The following ESR1 variants were observed in gnomAD, a reference collection of about 807,000 sequenced individuals.
ESR1 encodes the protein estrogen receptor 1.
Under a neutral mutation model 52.7 loss-of-function variants are expected in ESR1, and 12 were observed. The observed-to-expected ratio is 0.23, with a 90% CI of 0.15 to 0.37. The LOEUF is 0.37. Among genes scored for constraint, ESR1 ranks in the 10% least tolerant of loss-of-function variants. The pLI is 1.00. For synonymous variants in ESR1, 305 were observed against 316.8 expected (o/e 0.96, Z 0.39); for missense variants, 584 against 779.7 (o/e 0.75, Z 2.99).
exon 7 of ESR1, chr6:152,126,219 G>A (rs900659034): frequency 2.6e-5 from 4 of 152,174 alleles, no homozygotes; most frequent in African/African-American, 9.7e-5. Context: ...GAAAATATCC[G>A]AACTATCCAC....
chr6:151,906,697 T>C (rs187886206), intron 3 of ESR1, among the ~76,000 whole-genome samples: 9 of 149,092 alleles, frequency 6.0e-5, no homozygotes, highest in Admixed American at 2.7e-4. Context: ...GTATTATAAA[T>C]GTCATCTAGT....
intron 3 of ESR1, among the ~76,000 whole-genome samples, chr6:151,883,223 G>A (rs1793250473): frequency 6.6e-6 from 1 of 151,594 alleles, no homozygotes; most frequent in Non-Finnish European, 1.5e-5. Context: ...AGGTTCAGGC[G>A]ATTCTCCTGC....
At chr6:151,672,788 A>G (rs1778114412) in intron 1 of ESR1, among the ~76,000 whole-genome samples, 1 of 150,974 alleles carries the variant, frequency 6.6e-6, no homozygotes, top group Non-Finnish European at 1.5e-5. Flanking sequence ...CTTTTTTAAA[A>G]ATATGTTTTA....
chr6:151,784,077 G>A (rs913914653), intron 2 of ESR1, among the ~76,000 whole-genome samples: 3 of 152,186 alleles, frequency 2.0e-5, no homozygotes, highest in African/African-American at 7.2e-5. Flanking sequence ...TGGCCAACTG[G>A]CTGGGGTAGT....
rs1195446596 is a variant in ESR1 at position 152,099,774 on chromosome 6, T to A, written c.*808T>A. On this transcript the variant is annotated 3_prime_UTR_variant, in exon 8 of 8. Coordinates refer to ENST00000206249, the MANE Select transcript of ESR1 (RefSeq NM_000125.4). ...ATAAGTTCCTGATTTTTGTTTTTATTTTTGTGTTACAAAAGAAAGCCCTCC... is the reference window on the plus strand; with the variant it reads ...ATAAGTTCCTGATTTTTGTTTTTATATTTGTGTTACAAAAGAAAGCCCTCC... The A allele has an allele frequency of 5.3e-6, 2 of 378,606 alleles. No individual in the cohort carries two copies. The highest frequency in any genetic ancestry group is 1.5e-4 in the South Asian group (1 of 6,866). The allele number at this position is 378,606 out of a possible 1,614,324, so 23.5% of individuals were successfully genotyped here.
intron 1 of ESR1, among the ~76,000 whole-genome samples, chr6:151,839,998 A>G (rs1784024997): frequency 6.6e-6 from 1 of 152,210 alleles, no homozygotes; most frequent in African/African-American, 2.4e-5. Context: ...GCATTTTATT[A>G]TGTAGGCGTG....
chr6:152,078,643 G>A (rs1217461421), intron 6 of ESR1, among the ~76,000 whole-genome samples: 1 of 152,186 alleles, frequency 6.6e-6, no homozygotes, highest in African/African-American at 2.4e-5. Context: ...GCAGCCCACG[G>A]AGGGTGAGCC....
chr6:151,850,075 A>AC (rs1458404088), intron 2 of ESR1, among the ~76,000 whole-genome samples: 1 of 82,710 alleles, frequency 1.2e-5, no homozygotes, highest in Middle Eastern at 4.3e-3. Flanking sequence ...TATATATATA[A>AC]AAAATTATAT....
At chr6:152,122,141 A>T in intron 6 of ESR1, 1 of 436,316 alleles carries the variant, frequency 2.3e-6, no homozygotes, top group East Asian at 4.8e-5. Context: ...CCAAGGGCCC[A>T]GAATTCATGA....
chr6:151,850,501 A>G (rs979742247), intron 2 of ESR1, among the ~76,000 whole-genome samples: 3 of 151,882 alleles, frequency 2.0e-5, no homozygotes, highest in African/African-American at 7.3e-5. Flanking sequence ...TCTACAAAGC[A>G]AGGAACACCA....
intron 2 of ESR1, among the ~76,000 whole-genome samples, chr6:151,712,324 G>A (rs1780678221): frequency 6.6e-6 from 1 of 152,080 alleles, no homozygotes; most frequent in South Asian, 2.1e-4. Flanking sequence ...GGCTATACGG[G>A]CTTTTTTTTG....
intron 2 of ESR1, among the ~76,000 whole-genome samples, chr6:151,777,851 G>A (rs943080650): frequency 1.3e-5 from 2 of 152,014 alleles, no homozygotes; most frequent in African/African-American, 2.4e-5. Flanking sequence ...CCCCAGCTAC[G>A]TGGGAGGCTG....
intron 1 of ESR1, among the ~76,000 whole-genome samples, chr6:151,659,202 G>A (rs1267383374): frequency 6.6e-6 from 1 of 152,116 alleles, no homozygotes; most frequent in Non-Finnish European, 1.5e-5. Flanking sequence ...TAGTAGAGAT[G>A]GTGTTTCACT....
At chr6:151,701,529 CAAAAAA>C (rs57589542) in intron 1 of ESR1, among the ~76,000 whole-genome samples, 360 of 89,392 alleles carry the variant, frequency 4.0e-3, no homozygotes, top group East Asian at 8.5e-3. Context: ...CACTACATCT[CAAAAAA>C]AAAAAAAAAA....
intron 5 of ESR1, among the ~76,000 whole-genome samples, chr6:152,036,966 AAG>A (rs1377722380): frequency 1.3e-5 from 2 of 152,198 alleles, no homozygotes; most frequent in African/African-American, 4.8e-5. Flanking sequence ...GGGGAAAGAA[AAG>A]AGAGCAATGT....
chr6:151,826,401 G>A (rs1449548259), intron 1 of ESR1, among the ~76,000 whole-genome samples: 2 of 152,184 alleles, frequency 1.3e-5, no homozygotes, highest in East Asian at 3.9e-4. Flanking sequence ...ATAGTGTCTA[G>A]AAATGAGAGG....
At chr6:151,976,532 A>T (rs1487430786) in intron 4 of ESR1, among the ~76,000 whole-genome samples, 1 of 152,132 alleles carries the variant, frequency 6.6e-6, no homozygotes, top group African/African-American at 2.4e-5. Flanking sequence ...TCTGGAAAGT[A>T]CAGTGAAGTA....
intron 2 of ESR1, among the ~76,000 whole-genome samples, chr6:151,878,589 G>A (rs568754878): frequency 2.9e-4 from 44 of 152,152 alleles, no homozygotes; most frequent in Non-Finnish European, 5.7e-4. Context: ...GAGCTCTGTA[G>A]TTAAAACATT....
intron 2 of ESR1, among the ~76,000 whole-genome samples, chr6:151,760,573 G>A (rs181722421): frequency 1.3e-5 from 2 of 152,064 alleles, no homozygotes; most frequent in East Asian, 1.9e-4. Context: ...TCTCCTTCCC[G>A]GACCTATTAT....
Sources: gnomAD v4.1 joint callset for allele counts (sites outside exome capture counted in the v4.1 genomes callset) on GRCh38, gnomAD v4.1.1 for gene constraint, MANE v1.5 for transcripts, NCBI Gene and HGNC (gene_info 2026-07-23, HGNC 2026-07-21) for gene names.